The following ZNF133 variants were observed in gnomAD, a reference collection of about 807,000 sequenced individuals.
ZNF133 encodes the protein zinc finger protein 133 (clone pHZ-13).
In ZNF133, 26 loss-of-function variants were observed where a neutral mutation model predicts 54.9. The observed-to-expected ratio is 0.47, with a 90% confidence interval of 0.35 to 0.66. The LOEUF is 0.66. Ranked by LOEUF, ZNF133 falls within the 30% of genes least tolerant of loss-of-function variation. The pLI, the probability that ZNF133 is intolerant of heterozygous loss-of-function variation, is 0.01. For synonymous variants in ZNF133, 298 were observed against 320.3 expected, an observed-to-expected ratio of 0.93 and a Z score of 0.74; for missense variants, 653 against 820.8, an observed-to-expected ratio of 0.80 and a Z score of 2.50.
chr20:18,308,862 A>C lies in ZNF133; in HGVS notation c.217+2469A>C, dbSNP rs376121636. ...TGTTTTACTACAGCAATAGGAAAGA[A>C]GGAAGGTCAGGGCAAAGGAAGTAAA... On this transcript the variant is annotated intron_variant, in intron 6 of 6. Coordinates refer to ENST00000425686, the MANE Select transcript of ZNF133 (RefSeq NM_001352452.2). 3.2e-4 allele frequency among the ~76,000 whole-genome samples: 48 copies of C among 152,364 alleles called. 1 individual carries two copies. The highest frequency in any genetic ancestry group is 1.1e-3 in the African/African-American group (46 of 41,588).
At position 18,315,707 on chromosome 20, in the gene ZNF133, A is replaced by G. The variant is rs767858032; in HGVS notation, c.856A>G (p.Ile286Val). The change falls in exon 7 of 7, where the codon ATC becomes GTC. Residue 286 changes from isoleucine (I) to valine (V), a missense_variant. This residue lies in a region of ZNF133 where 292 missense variants were observed against 431.6 expected (regional missense o/e 0.68). Transcript: ENST00000425686. ...AGGCTTTAACCGGAAGTCAACGCTAATCATACACGAACGGACACACTCCGG... is the reference window on the plus strand; with the variant it reads ...AGGCTTTAACCGGAAGTCAACGCTAGTCATACACGAACGGACACACTCCGG... ...GRGFNRKSTL[I>V]IHERTHSGEK... 6.2e-7 allele frequency: 1 copy of G among 1,613,912 alleles called. No homozygotes were observed. The highest frequency in any genetic ancestry group is 8.5e-7 in the Non-Finnish European group (1 of 1,179,880).
chr20:18,296,653 A>C (rs1361237032), intron 1 of ZNF133, among the ~76,000 whole-genome samples: 1 of 152,182 alleles, frequency 6.6e-6, no homozygotes, highest in African/African-American at 2.4e-5. Context: ...TCACTTTGTT[A>C]TTCATTCATC....
rs2047574644 is a variant in ZNF133 at position 18,316,618 on chromosome 20, A to G, written c.1767A>G (p.Gln589=). 6.2e-7 allele frequency: 1 copy of G among 1,613,398 alleles called. No individual in the cohort carries two copies. The highest frequency in any genetic ancestry group is 1.3e-5 in the African/African-American group (1 of 74,772). Residue 589 remains glutamine, a synonymous_variant, in exon 7 of 7, where the codon CAA becomes CAG. Coordinates refer to ENST00000425686, the MANE Select transcript of ZNF133 (RefSeq NM_001352452.2). ...VCRECGQGFL[Q]KSHLTLHQMT... is the part of the protein sequence containing the mutation. ...GAGAGTGTGGCCAAGGCTTTCTCCAAAAGTCACACCTCACCTTACATCAAA... is the reference window on the plus strand; with the variant it reads ...GAGAGTGTGGCCAAGGCTTTCTCCAGAAGTCACACCTCACCTTACATCAAA...
In ZNF133 at chr20:18,315,805, G is replaced by A. The variant is rs2047328263; in HGVS notation, c.954G>A (p.Arg318=). ...SQKSNLIIHQ[R]THSGEKPYVC... Reference sequence around the variant, plus strand: ...AGTCAAACCTCATCATACACCAGAGGACACACTCAGGGGAAAAGCCTTACG... The same window carrying A: ...AGTCAAACCTCATCATACACCAGAGAACACACTCAGGGGAAAAGCCTTACG... The change falls in exon 7 of 7, where the codon AGG becomes AGA. Residue 318 remains arginine, a synonymous_variant. Transcript: ENST00000425686. The A allele has an allele frequency of 1.9e-6, 3 of 1,612,140 alleles. No homozygotes were observed. The highest frequency in any genetic ancestry group is 1.6e-4 in the Middle Eastern group (1 of 6,076).
intron 3 of ZNF133, among the ~76,000 whole-genome samples, chr20:18,304,400 G>T (rs1192154876): frequency 6.6e-6 from 1 of 152,170 alleles, no homozygotes; most frequent in East Asian, 1.9e-4. Context: ...CCACTTTTGA[G>T]TGTATACCCA....
At chr20:18,290,259 C>A (rs1294853126) in intron 1 of ZNF133, among the ~76,000 whole-genome samples, 1 of 152,196 alleles carries the variant, frequency 6.6e-6, no homozygotes, top group Non-Finnish European at 1.5e-5. Context: ...TGCTCTCATT[C>A]ATTACACCTA....
At chr20:18,297,910 A>C in intron 1 of ZNF133, 75 bp from the exon 2 acceptor site, 1 of 962,328 alleles carries the variant, frequency 1.0e-6, no homozygotes, top group Non-Finnish European at 1.6e-6. Flanking sequence ...TGTGGGGTTA[A>C]AGAGCAGGCC....
intron 6 of ZNF133, chr20:18,314,132 A>G (rs1568797326): frequency 1.3e-5 from 2 of 152,220 alleles, no homozygotes; most frequent in East Asian, 1.9e-4. Context: ...TTCGCGTAGC[A>G]TGGAATAATT....
At chr20:18,303,517 G>C (rs1163260224) in intron 3 of ZNF133, among the ~76,000 whole-genome samples, 1 of 152,114 alleles carries the variant, frequency 6.6e-6, no homozygotes, top group East Asian at 1.9e-4. Flanking sequence ...AACCAAGTTG[G>C]AGGACTTACA....
rs2147937552 is a variant in ZNF133 at position 18,315,233 on chromosome 20, G to A, written c.382G>A (p.Glu128Lys). The part of the protein sequence containing the change: ...QPGDPGPGDQ[E>K]KQQQASEGRP... The stretch of plus-strand genomic sequence containing the variant: ...TGGGGATCCGGGCCCAGGGGACCAG[G>A]AGAAGCAGCAACAAGCCTCTGAGGG... The change falls in exon 7 of 7, where the codon GAG becomes AAG. Residue 128 changes from glutamate (E) to lysine (K), a missense_variant. Physicochemically the swap from Glu to Lys is moderately conservative, Grantham distance 56 (BLOSUM62 1). Around this residue, in one of 4 missense-constraint regions of ZNF133, gnomAD observed 227 missense variants for 233.9 expected, o/e 0.97. Transcript: ENST00000425686. 2 of 1,614,082 alleles carry A rather than the reference G, an allele frequency of 1.2e-6. No homozygotes were observed. The highest frequency in any genetic ancestry group is 1.7e-6 in the Non-Finnish European group (2 of 1,179,998).
intron 3 of ZNF133, among the ~76,000 whole-genome samples, chr20:18,302,901 C>T (rs184509861): frequency 1.4e-3 from 207 of 151,918 alleles, no homozygotes; most frequent in African/African-American, 4.9e-3. Flanking sequence ...ATGAGGAAAA[C>T]AATTTCATTT....
chr20:18,294,517 T>C (rs571320061), intron 1 of ZNF133, among the ~76,000 whole-genome samples: 15 of 152,352 alleles, frequency 9.8e-5, no homozygotes, highest in Middle Eastern at 3.4e-3. Context: ...TTGATGATTG[T>C]ACTATCATTT....
intron 1 of ZNF133, among the ~76,000 whole-genome samples, chr20:18,292,555 G>GCCTTCCCAAATCAC (rs1368729593): frequency 6.6e-6 from 1 of 152,146 alleles, no homozygotes; most frequent in African/African-American, 2.4e-5. Flanking sequence ...CCTCAGAGAT[G>GCCTTCCCAAATCAC]CCTTCCCAAA....
rs1226764209 is a variant in ZNF133 at position 18,316,576 on chromosome 20, G to T, written c.1725G>T (p.Glu575Asp). 1 of 1,614,026 alleles carries T rather than the reference G, an allele frequency of 6.2e-7. No individual in the cohort carries two copies. The stretch of plus-strand genomic sequence containing the variant: ...CACACAAGCGGGCTCACTCGGAAGA[G>T]AAGCCTTGTGTGTGCAGAGAGTGTG... Reference protein sequence around the residue: ...LITHKRAHSEEKPCVCRECGQ... With the variant: ...LITHKRAHSEDKPCVCRECGQ... The change falls in exon 7 of 7, where the codon GAG becomes GAT. Residue 575 changes from glutamate to aspartate, a missense_variant. By Grantham distance (45) the Glu-to-Asp change is conservative (BLOSUM62 2). This residue lies in a region of ZNF133 where 129 missense variants were observed against 138.5 expected (regional missense o/e 0.93). Coordinates refer to ENST00000425686, the MANE Select transcript of ZNF133 (RefSeq NM_001352452.2).
At position 18,315,053 on chromosome 20, in the gene ZNF133, A is replaced by G. The variant is rs1377614161; in HGVS notation, c.218-16A>G. On this transcript the variant is annotated splice_polypyrimidine_tract_variant and intron_variant, in intron 6 of 6. Coordinates refer to ENST00000425686, the MANE Select transcript of ZNF133 (RefSeq NM_001352452.2). ...CACTGAGGACTCAGTTGTGACTCAC[A>G]CTTTTCTCTCTGCAGCAGATCCAGA... is the stretch of plus-strand genomic sequence containing the variant. The G allele has an allele frequency of 2.0e-6, 3 of 1,519,298 alleles. No homozygotes were observed. Among genetic ancestry groups the G allele is most frequent in the Non-Finnish European group, 2.6e-6 (3 of 1,135,352 alleles). The allele number at this position is 1,519,298 out of a possible 1,614,324, so 94.1% of individuals were successfully genotyped here. A position where few individuals can be genotyped will look rare whatever the true frequency, so the allele number is the denominator to read the frequency against.
chr20:18,304,959 C>A (rs2044272659), intron 3 of ZNF133, 49 bp from the exon 4 acceptor site: 1 of 976,324 alleles, frequency 1.0e-6, no homozygotes. Flanking sequence ...TCTCCAAGAC[C>A]AAGTTGCCAT....
intron 6 of ZNF133, among the ~76,000 whole-genome samples, chr20:18,310,686 A>G (rs534920537): frequency 1.3e-5 from 2 of 152,316 alleles, no homozygotes; most frequent in South Asian, 4.1e-4. Context: ...CAAGAGATCT[A>G]TTGTATAACA....
At chr20:18,299,676 A>G (rs766386947) in intron 3 of ZNF133, among the ~76,000 whole-genome samples, 2 of 152,176 alleles carry the variant, frequency 1.3e-5, no homozygotes, top group African/African-American at 2.4e-5. Flanking sequence ...TAACAGAGGG[A>G]TTTTTGAAAG....
intron 6 of ZNF133, among the ~76,000 whole-genome samples, chr20:18,309,629 C>A (rs2045413996): frequency 6.6e-6 from 1 of 152,070 alleles, no homozygotes; most frequent in Non-Finnish European, 1.5e-5. Context: ...GAGGCTCAGC[C>A]CTGTGGAGCA....
Sources: allele counts gnomAD v4.1 joint callset (sites outside exome capture counted in the v4.1 genomes callset), GRCh38; gene constraint gnomAD v4.1.1; regional missense constraint gnomAD v4.1.1; transcripts MANE v1.5; gene names NCBI Gene and HGNC (gene_info 2026-07-23, HGNC 2026-07-21).